Variants in CCNY observed in about 807,000 individuals in gnomAD.
CCNY encodes cyclin-Y.
Under a neutral mutation model 42.8 loss-of-function variants are expected in CCNY, and 19 were observed. That is an observed-to-expected ratio of 0.44 (90% confidence interval 0.31 to 0.65). The LOEUF (loss-of-function observed/expected upper bound fraction) is 0.65. Among genes scored for constraint, CCNY ranks in the 30% least tolerant of loss-of-function variants. The probability of loss-of-function intolerance (pLI) is 0.07; values close to 1 mark genes in which losing one functional copy is unlikely to be tolerated. For synonymous variants in CCNY, 165 were observed against 162.7 expected (o/e 1.01, Z -0.11); for missense variants, 370 against 437.3 (o/e 0.85, Z 1.37).
intron 1 of CCNY, among the ~76,000 whole-genome samples, chr10:35,427,124 A>G (rs1338909167): frequency 6.6e-6 from 1 of 152,206 alleles, no homozygotes; most frequent in African/African-American, 2.4e-5. Flanking sequence ...CCTGTCACGA[A>G]TTTATTAATG....
chr10:35,533,468 C>T (rs185031751), intron 7 of CCNY, among the ~76,000 whole-genome samples: 245 of 152,296 alleles, frequency 1.6e-3, no homozygotes, highest in Non-Finnish European at 2.8e-3. Context: ...CTGCTCTGTT[C>T]CCTGGATGTA....
chr10:35,554,652 C>T (rs964948337), intron 8 of CCNY, among the ~76,000 whole-genome samples: 2 of 152,124 alleles, frequency 1.3e-5, no homozygotes, highest in Non-Finnish European at 2.9e-5. Flanking sequence ...TTAGATGATA[C>T]ATGACCAGTG....
chr10:35,545,729 A>G (rs1264482251), intron 7 of CCNY, among the ~76,000 whole-genome samples: 3 of 152,092 alleles, frequency 2.0e-5, no homozygotes, highest in Non-Finnish European at 2.9e-5. Flanking sequence ...TTGTATTAAG[A>G]TCTCTCCAGG....
chr10:35,455,825 T>TTTTA (rs1286707783), intron 1 of CCNY, among the ~76,000 whole-genome samples: 14 of 99,784 alleles, frequency 1.4e-4, no homozygotes, highest in African/African-American at 3.0e-4. Flanking sequence ...TTTTTTTTTT[T>TTTTA]AAAAAAAGAA....
At chr10:35,323,340 A>G (rs1169931439) in intron 3 of CCNY, among the ~76,000 whole-genome samples, 1 of 152,254 alleles carries the variant, frequency 6.6e-6, no homozygotes, top group Non-Finnish European at 1.5e-5. Flanking sequence ...ATAGATGTTC[A>G]TAATGGCTTT....
At chr10:35,473,434 A>G (rs1029741787) in intron 1 of CCNY, among the ~76,000 whole-genome samples, 3 of 152,120 alleles carry the variant, frequency 2.0e-5, no homozygotes, top group African/African-American at 7.2e-5. Context: ...CACATGAGGT[A>G]TTTCAAGAGC....
At chr10:35,279,710 T>C (rs963773734) in intron 3 of CCNY, among the ~76,000 whole-genome samples, 1 of 152,208 alleles carries the variant, frequency 6.6e-6, no homozygotes, top group African/African-American at 2.4e-5. Flanking sequence ...CCATGGGACC[T>C]GAGTCCTTGA....
At chr10:35,472,358 G>A (rs1839407796) in intron 1 of CCNY, among the ~76,000 whole-genome samples, 2 of 152,072 alleles carry the variant, frequency 1.3e-5, no homozygotes. Flanking sequence ...CATCTCTTTG[G>A]GGAATGAATG....
rs552375915 is a variant in CCNY, at chr10:35,542,746, G to T, written c.580-10273G>T. Among the ~76,000 whole-genome samples the T allele has an allele frequency of 2.6e-5, 4 of 152,192 alleles. No individual in the cohort carries two copies. The South Asian group carries it at 8.3e-4, about 31-fold the overall frequency. On this transcript the variant is annotated intron_variant, in intron 7 of 9. Coordinates refer to ENST00000374704, the MANE Select transcript of CCNY (RefSeq NM_145012.6). ...TGGTGAAGTGACTGTGGAATCAATT[G>T]AGTCTGACCCTGAAAGACTTCCTTT...
chr10:35,363,501 G>A (rs1001305248), intron 1 of CCNY, among the ~76,000 whole-genome samples: 1 of 152,188 alleles, frequency 6.6e-6, no homozygotes, highest in African/African-American at 2.4e-5. Flanking sequence ...ACCAGATTTT[G>A]GGGTAGTAGG....
At chr10:35,276,695 G>T (rs1483592134) in intron 3 of CCNY, among the ~76,000 whole-genome samples, 7 of 152,186 alleles carry the variant, frequency 4.6e-5, no homozygotes, top group Non-Finnish European at 1.0e-4. Flanking sequence ...AGGGAGCCCA[G>T]TTGTGAACAG....
At chr10:35,379,112 G>T (rs1719014918) in intron 1 of CCNY, among the ~76,000 whole-genome samples, 1 of 152,174 alleles carries the variant, frequency 6.6e-6, no homozygotes, top group African/African-American at 2.4e-5. Context: ...GTGTCAGCCT[G>T]ATGAGACCTC....
At chr10:35,455,477 G>A (rs1163945295) in intron 1 of CCNY, 1 of 152,304 alleles carries the variant, frequency 6.6e-6, no homozygotes, top group Non-Finnish European at 1.5e-5. Flanking sequence ...AGCTGGCTTG[G>A]TGGGAGGTGG....
chr10:35,492,316 T>G (rs7086049), intron 2 of CCNY, among the ~76,000 whole-genome samples: 32,642 of 152,256 alleles, frequency 0.21, 4,260 homozygotes, highest in East Asian at 0.33. Context: ...ACCTGCCCTC[T>G]GTCCATGCTG....
At chr10:35,443,268 A>C (rs1338185743) in intron 1 of CCNY, among the ~76,000 whole-genome samples, 4 of 152,198 alleles carry the variant, frequency 2.6e-5, no homozygotes, top group Admixed American at 6.5e-5. Context: ...CTAATAAATT[A>C]ATCTTAGCTT....
chr10:35,307,878 C>T (rs776969747), intron 3 of CCNY, among the ~76,000 whole-genome samples: 6 of 143,056 alleles, frequency 4.2e-5, no homozygotes, highest in East Asian at 2.1e-4. Context: ...AATGCAATGG[C>T]GCAATCTTGG....
At chr10:35,451,273 A>T (rs1035139045) in intron 1 of CCNY, among the ~76,000 whole-genome samples, 3 of 152,196 alleles carry the variant, frequency 2.0e-5, no homozygotes, top group African/African-American at 7.2e-5. Context: ...AGGAAAGAAG[A>T]AATGGGATTT....
intron 9 of CCNY, among the ~76,000 whole-genome samples, chr10:35,568,296 G>A (rs907925541): frequency 3.9e-5 from 6 of 152,276 alleles, no homozygotes; most frequent in African/African-American, 1.4e-4. Flanking sequence ...GGGTTCAGCA[G>A]GGCAGGAGAA....
At position 35,530,329 on chromosome 10, in the gene CCNY, C is replaced by T; in HGVS notation, c.579+86C>T. 1.3e-6 allele frequency: 2 copies of T among 1,542,528 alleles called. No homozygotes were observed. Among genetic ancestry groups the T allele is most frequent in the Non-Finnish European group, 1.8e-6 (2 of 1,128,750 alleles). On this transcript the variant is annotated intron_variant, in intron 7 of 9. Coordinates refer to ENST00000374704, the MANE Select transcript of CCNY (RefSeq NM_145012.6). This position sits in a 1 kb window ranked among gnomAD's most constrained non-coding sequence, Gnocchi z 4.3. The stretch of plus-strand genomic sequence containing the variant: ...GTTACTCAGCGGAGTGAGGTTGGAG[C>T]AGGGAATCCTCACCAGGTTACCCTG...
Sources: allele counts gnomAD v4.1 joint callset (sites outside exome capture counted in the v4.1 genomes callset), GRCh38; gene constraint gnomAD v4.1.1; non-coding constraint Gnocchi (gnomAD v3.1); transcripts MANE v1.5; gene names NCBI Gene and HGNC (gene_info 2026-07-23, HGNC 2026-07-21).